IMMP2L: variants seen among roughly 807,000 people sequenced by gnomAD.
The protein encoded by IMMP2L is inner mitochondrial membrane peptidase subunit 2.
IMMP2L carries 18 observed loss-of-function variants against 19.3 expected under a neutral mutation model. The observed-to-expected ratio is 0.93, with a 90% CI of 0.64 to 1.38. IMMP2L has a LOEUF of 1.38. IMMP2L is among the 40% of genes most tolerant of loss of function. The pLI is 0.00. For missense variants in IMMP2L, 233 were observed against 218.2 expected, an observed-to-expected ratio of 1.07 and a Z score of -0.43; for synonymous variants, 76 against 73.0, an observed-to-expected ratio of 1.04 and a Z score of -0.21.
chr7:111,152,892 GTAAA>G (rs1452276845), intron 3 of IMMP2L, among the ~76,000 whole-genome samples: 1 of 152,056 alleles, frequency 6.6e-6, no homozygotes, highest in Non-Finnish European at 1.5e-5. Flanking sequence ...ACAGTGCCAG[GTAAA>G]TAGTGGATAG....
intron 3 of IMMP2L, among the ~76,000 whole-genome samples, chr7:111,396,140 C>A (rs921272544): frequency 2.0e-5 from 3 of 151,908 alleles, no homozygotes; most frequent in Admixed American, 2.0e-4. Flanking sequence ...GGGTATATAC[C>A]CAAAGGATTA....
At position 111,410,254 on chromosome 7, in the gene IMMP2L, G is replaced by A. The variant is rs144356339; in HGVS notation, c.239+76984C>T. 3.8e-4 allele frequency among the ~76,000 whole-genome samples: 58 copies of A among 151,812 alleles called. 3 individuals carry two copies. The highest frequency in any genetic ancestry group is 1.3e-3 in the African/African-American group (53 of 41,210). On this transcript the variant is annotated intron_variant, in intron 3 of 5. Coordinates refer to ENST00000405709, the MANE Select transcript of IMMP2L (RefSeq NM_032549.4). ...ACTCCAGAAAGCTCATGCCTTAGTA[G>A]TGAGTCTAAACTAGCTCTAAAGATT...
chr7:110,742,504 C>T (rs551610736), intron 5 of IMMP2L, among the ~76,000 whole-genome samples: 3 of 152,256 alleles, frequency 2.0e-5, no homozygotes, highest in African/African-American at 7.2e-5. Flanking sequence ...CATGGTGGCT[C>T]ACACTTGTAA....
intron 3 of IMMP2L, among the ~76,000 whole-genome samples, chr7:111,404,423 A>AT (rs1345872035): frequency 6.6e-6 from 1 of 152,152 alleles, no homozygotes; most frequent in Non-Finnish European, 1.5e-5. Context: ...TAATAGACAC[A>AT]TAAGGAATAC....
chr7:110,749,425 A>C (rs1584713535), intron 5 of IMMP2L, among the ~76,000 whole-genome samples: 1 of 152,094 alleles, frequency 6.6e-6, no homozygotes, highest in Non-Finnish European at 1.5e-5. Context: ...AAATCATTAT[A>C]CTATAAAGAC....
At chr7:111,468,959 G>A (rs1840948567) in intron 3 of IMMP2L, among the ~76,000 whole-genome samples, 1 of 152,066 alleles carries the variant, frequency 6.6e-6, no homozygotes, top group Non-Finnish European at 1.5e-5. Flanking sequence ...AGAAGTCTGA[G>A]GAATATCATC....
intron 3 of IMMP2L, among the ~76,000 whole-genome samples, chr7:111,381,334 T>C (rs1163821680): frequency 6.6e-6 from 1 of 152,002 alleles, no homozygotes; most frequent in Non-Finnish European, 1.5e-5. Context: ...GCTAGCAGCG[T>C]AGAGCTACTT....
chr7:110,778,721 G>A (rs1799552057), intron 5 of IMMP2L, among the ~76,000 whole-genome samples: 1 of 151,914 alleles, frequency 6.6e-6, no homozygotes, highest in Non-Finnish European at 1.5e-5. Context: ...AGAAACACAG[G>A]TGCTTTAAGA....
At chr7:111,431,843 G>C (rs186386150) in intron 3 of IMMP2L, among the ~76,000 whole-genome samples, 3 of 151,674 alleles carry the variant, frequency 2.0e-5, no homozygotes, top group African/African-American at 7.3e-5. Flanking sequence ...TTTGCTGAAT[G>C]TCTAAGAATT....
chr7:110,825,758 A>T lies in IMMP2L; in HGVS notation c.408+60835T>A, dbSNP rs181255252. On this transcript the variant is annotated intron_variant, in intron 5 of 5. Transcript: ENST00000405709. ...CCTAGAAGAAAATCTAGGCAATACC[A>T]TTCAGGACATAGGCATGGGCAACGA... 5.3e-3 allele frequency among the ~76,000 whole-genome samples: 812 copies of T among 152,302 alleles called. 13 individuals are homozygous for T. The highest frequency in any genetic ancestry group is 0.018 in the African/African-American group (765 of 41,562).
intron 2 of IMMP2L, among the ~76,000 whole-genome samples, chr7:111,507,173 A>T (rs1844997408): frequency 6.6e-6 from 1 of 152,104 alleles, no homozygotes; most frequent in African/African-American, 2.4e-5. Context: ...TCCAGTCCTG[A>T]TTTGATCTCT....
intron 5 of IMMP2L, among the ~76,000 whole-genome samples, chr7:110,852,491 T>A (rs1353788469): frequency 6.6e-6 from 1 of 151,926 alleles, no homozygotes; most frequent in Non-Finnish European, 1.5e-5. Context: ...ATCCCCAAAT[T>A]AGAAAATTTT....
At chr7:111,058,182 G>C (rs573495931) in intron 3 of IMMP2L, among the ~76,000 whole-genome samples, 3 of 151,930 alleles carry the variant, frequency 2.0e-5, no homozygotes, top group East Asian at 1.9e-4. Context: ...ACCCCAAAGA[G>C]AGAAAAAAAG....
chr7:110,703,435 A>G (rs2130654084), intron 5 of IMMP2L, among the ~76,000 whole-genome samples: 1 of 152,162 alleles, frequency 6.6e-6, no homozygotes, highest in South Asian at 2.1e-4. Flanking sequence ...TGTCAAGCCA[A>G]TTCTTGGCTT....
At chr7:111,235,485 AT>A (rs1202255005) in intron 3 of IMMP2L, among the ~76,000 whole-genome samples, 29 of 151,894 alleles carry the variant, frequency 1.9e-4, no homozygotes, top group African/African-American at 6.8e-4. Flanking sequence ...AAAAAAAAAA[AT>A]TCCACATTGA....
At position 111,095,123 on chromosome 7, in the gene IMMP2L, CA is replaced by C. The variant is rs1205095972; in HGVS notation, c.240-131559del. Among the ~76,000 whole-genome samples the C allele has an allele frequency of 3.3e-5, 5 of 152,066 alleles. No individual in the cohort carries two copies. In the East Asian group the frequency reaches 9.7e-4, roughly 29 times the overall value. On this transcript the variant is annotated intron_variant, in intron 3 of 5. Transcript: ENST00000405709. ...TGGTGCCATTAATAAAAACACATGA[CA>C]CAGCTTCAGGAGACGGGGAATAAAG...
At chr7:111,281,321 CAG>C in intron 3 of IMMP2L, among the ~76,000 whole-genome samples, 1 of 151,016 alleles carries the variant, frequency 6.6e-6, no homozygotes, top group Middle Eastern at 3.4e-3. Context: ...GAAAGAAAGA[CAG>C]AAAGAAAGGA....
chr7:111,557,816 A>G (rs1791544109), intron 1 of IMMP2L, among the ~76,000 whole-genome samples: 1 of 152,118 alleles, frequency 6.6e-6, no homozygotes, highest in African/African-American at 2.4e-5. Context: ...TACTAGCTCA[A>G]TGCAGATAGA....
At chr7:110,678,012 C>T (rs1353875846) in intron 5 of IMMP2L, among the ~76,000 whole-genome samples, 2 of 152,140 alleles carry the variant, frequency 1.3e-5, no homozygotes, top group East Asian at 1.9e-4. Flanking sequence ...TCTTCATCCT[C>T]CCTGAACTCA....
Sources: allele counts gnomAD v4.1 joint callset (sites outside exome capture counted in the v4.1 genomes callset), GRCh38; gene constraint gnomAD v4.1.1; transcripts MANE v1.5; gene names NCBI Gene and HGNC (gene_info 2026-07-23, HGNC 2026-07-21).